PGM5: variants seen among roughly 807,000 people sequenced by gnomAD.
PGM5 encodes the protein phosphoglucomutase-like protein 5.
In PGM5, 23 loss-of-function variants were observed where a neutral mutation model predicts 59.2. That is an observed-to-expected ratio of 0.39 (90% confidence interval 0.28 to 0.55). The LOEUF (loss-of-function observed/expected upper bound fraction) is 0.55. Among genes scored for constraint, PGM5 ranks in the 20% least tolerant of loss-of-function variants. PGM5 has a pLI of 0.66. For synonymous variants in PGM5, 214 were observed against 286.0 expected, an observed-to-expected ratio of 0.75 and a Z score of 2.54; for missense variants, 574 against 748.3, an observed-to-expected ratio of 0.77 and a Z score of 2.72.
intron 4 of PGM5, 91 bp from the exon 5 acceptor site, chr9:68,391,443 T>A (rs1362091272): frequency 1.2e-5 from 11 of 949,184 alleles, no homozygotes; most frequent in Admixed American, 2.3e-5. Flanking sequence ...TCTTCTGGGT[T>A]ATTAAATGGT....
chr9:68,458,939 A>T (rs1823818319), intron 6 of PGM5, among the ~76,000 whole-genome samples: 1 of 152,190 alleles, frequency 6.6e-6, no homozygotes, highest in Non-Finnish European at 1.5e-5. Context: ...GCAAACTCAT[A>T]TAAGCCTTTT....
chr9:68,472,264 A>G (rs1554686321), intron 7 of PGM5, among the ~76,000 whole-genome samples: 1 of 152,206 alleles, frequency 6.6e-6, no homozygotes, highest in East Asian at 1.9e-4. Flanking sequence ...TGGCTGAGCC[A>G]CAATTCAAAC....
intron 6 of PGM5, chr9:68,396,794 A>C (rs1349214035): frequency 2.6e-5 from 4 of 152,170 alleles, no homozygotes; most frequent in Admixed American, 2.6e-4. Flanking sequence ...GTGGTTTCCC[A>C]TATAGCTTAT....
At chr9:68,507,524 G>C (rs1374659515) in intron 10 of PGM5, among the ~76,000 whole-genome samples, 3 of 151,942 alleles carry the variant, frequency 2.0e-5, no homozygotes, top group African/African-American at 7.2e-5. Flanking sequence ...AGAGTAGAAA[G>C]TATTGAGCAG....
intron 7 of PGM5, among the ~76,000 whole-genome samples, chr9:68,477,426 G>A (rs1243792846): frequency 6.6e-6 from 1 of 152,214 alleles, no homozygotes; most frequent in Non-Finnish European, 1.5e-5. Flanking sequence ...TTTGACTTAA[G>A]TATTGTTTGA....
At chr9:68,406,564 G>A (rs1418694155) in intron 6 of PGM5, 6 of 148,462 alleles carry the variant, frequency 4.0e-5, no homozygotes, top group Non-Finnish European at 8.9e-5. Context: ...CCCACCTCTC[G>A]ATACTGCCAC....
intron 6 of PGM5, among the ~76,000 whole-genome samples, chr9:68,427,543 G>A (rs531560608): frequency 6.6e-6 from 1 of 152,182 alleles, no homozygotes; most frequent in Non-Finnish European, 1.5e-5. Flanking sequence ...ATGCTGGGGA[G>A]GGTGGGGTCT....
chr9:68,420,723 C>T (rs573769101), intron 6 of PGM5, among the ~76,000 whole-genome samples: 262 of 152,180 alleles, frequency 1.7e-3, no homozygotes, highest in African/African-American at 5.8e-3. Flanking sequence ...AGATGTTCGT[C>T]GGGAGACACA....
intron 6 of PGM5, among the ~76,000 whole-genome samples, chr9:68,442,880 A>G (rs1823550758): frequency 6.6e-6 from 1 of 152,260 alleles, no homozygotes; most frequent in African/African-American, 2.4e-5. Flanking sequence ...AGAATTGCTA[A>G]AATAAAAATT....
intron 6 of PGM5, among the ~76,000 whole-genome samples, chr9:68,453,869 A>G (rs1007454671): frequency 2.0e-5 from 3 of 152,224 alleles, no homozygotes; most frequent in Non-Finnish European, 2.9e-5. Flanking sequence ...CTGAGTGTCT[A>G]ACTCCTGGGG....
At chr9:68,421,665 G>A (rs565839168) in intron 6 of PGM5, among the ~76,000 whole-genome samples, 16 of 152,110 alleles carry the variant, frequency 1.1e-4, no homozygotes, top group Admixed American at 3.3e-4. Flanking sequence ...TGCAGTGAGC[G>A]GAGATCATAC....
chr9:68,463,052 C>G (rs1400690428), intron 6 of PGM5, among the ~76,000 whole-genome samples: 1 of 152,050 alleles, frequency 6.6e-6, no homozygotes, highest in East Asian at 1.9e-4. Context: ...AACAGCTGAC[C>G]ACCTGAAAAG....
Position 68,437,577 on chromosome 9 carries a change from TCACACA to T in PGM5, c.1044-27498_1044-27493del, listed in dbSNP as rs142454172. ...CAATTTTTCAAAGGGACACACACAC[TCACACA>T]CACACACACACACACACTCTCACAC... On this transcript the variant is annotated intron_variant, in intron 6 of 10. Coordinates refer to ENST00000396396, the MANE Select transcript of PGM5 (RefSeq NM_021965.4). This position sits in a 1 kb window ranked among gnomAD's most constrained non-coding sequence, Gnocchi z 4.1. Among the ~76,000 whole-genome samples the T allele has an allele frequency of 1.4e-5, 2 of 145,182 alleles. No homozygotes were observed. Among genetic ancestry groups the T allele is most frequent in the Non-Finnish European group, 3.0e-5 (2 of 66,240 alleles).
chr9:68,475,988 T>C (rs1824096914), intron 7 of PGM5, among the ~76,000 whole-genome samples: 1 of 152,196 alleles, frequency 6.6e-6, no homozygotes, highest in African/African-American at 2.4e-5. Context: ...ACCCCTGTAC[T>C]CCAGCCTGGG....
At chr9:68,430,145 T>C (rs1234385525) in intron 6 of PGM5, among the ~76,000 whole-genome samples, 1 of 152,250 alleles carries the variant, frequency 6.6e-6, no homozygotes, top group Non-Finnish European at 1.5e-5. Flanking sequence ...TTTCAACTAT[T>C]AATAATTTTA....
chr9:68,433,035 C>A (rs1823381053), intron 6 of PGM5, among the ~76,000 whole-genome samples: 1 of 152,192 alleles, frequency 6.6e-6, no homozygotes, highest in African/African-American at 2.4e-5. Flanking sequence ...TACAATACTG[C>A]AGTGAATACC....
At chr9:68,497,702 A>G (rs1824503826) in intron 9 of PGM5, 1 of 152,256 alleles carries the variant, frequency 6.6e-6, no homozygotes, top group African/African-American at 2.4e-5. Flanking sequence ...AATGCCTGAT[A>G]TCAATGTCTC....
chr9:68,445,360 A>G (rs1161582562), intron 6 of PGM5, among the ~76,000 whole-genome samples: 1 of 152,204 alleles, frequency 6.6e-6, no homozygotes, highest in Non-Finnish European at 1.5e-5. Context: ...AGACCTGCAC[A>G]CCATCTGTTT....
At chr9:68,409,018 C>T (rs1347984956) in intron 6 of PGM5, among the ~76,000 whole-genome samples, 1 of 152,106 alleles carries the variant, frequency 6.6e-6, no homozygotes, top group Non-Finnish European at 1.5e-5. Context: ...GTGATGCCTC[C>T]AGCTTTGTTC....
Sources: gnomAD v4.1 joint callset for allele counts (sites outside exome capture counted in the v4.1 genomes callset) on GRCh38, gnomAD v4.1.1 for gene constraint, Gnocchi (gnomAD v3.1) non-coding constraint, MANE v1.5 for transcripts, NCBI Gene and HGNC (gene_info 2026-07-23, HGNC 2026-07-21) for gene names.